Variants in GALNTL6 observed in about 807,000 individuals in gnomAD.
GALNTL6 encodes polypeptide N-acetylgalactosaminyltransferase-like 6.
Under a neutral mutation model 73.7 loss-of-function variants are expected in GALNTL6, and 46 were observed. That is an observed-to-expected ratio of 0.62 (90% CI 0.49 to 0.80). The LOEUF is 0.80. Ranked by LOEUF, GALNTL6 falls within the 30% of genes least tolerant of loss-of-function variation. The probability of loss-of-function intolerance (pLI) is 0.00; values close to 1 mark genes in which losing one functional copy is unlikely to be tolerated. For synonymous variants in GALNTL6, 259 were observed against 263.7 expected, an observed-to-expected ratio of 0.98 and a Z score of 0.17; for missense variants, 604 against 755.0, an observed-to-expected ratio of 0.80 and a Z score of 2.34.
chr4:172,867,866 A>G (rs751342309), intron 7 of GALNTL6, among the ~76,000 whole-genome samples: 8 of 152,246 alleles, frequency 5.3e-5, no homozygotes, highest in Non-Finnish European at 1.0e-4. Flanking sequence ...GAACCATCCA[A>G]TTGGAGTGGC....
Position 171,958,895 on chromosome 4 carries a change from T to A in GALNTL6, c.138+144177T>A, listed in dbSNP as rs1739134011. 2.6e-5 allele frequency among the ~76,000 whole-genome samples: 4 copies of A among 152,140 alleles called. No homozygotes were observed. The South Asian group carries it at 8.3e-4, about 32-fold the overall frequency. On this transcript the variant is annotated intron_variant, in intron 2 of 12. Transcript: ENST00000506823. The stretch of plus-strand genomic sequence containing the variant: ...TTAACATTTTAATAAATGTACACCA[T>A]GCTTGTTAAATGAAATGTCAAAAAG...
chr4:172,453,232 A>C (rs1043615414), intron 5 of GALNTL6, among the ~76,000 whole-genome samples: 1 of 152,122 alleles, frequency 6.6e-6, no homozygotes, highest in Non-Finnish European at 1.5e-5. Context: ...TGCAATGTGA[A>C]GCCATTAGCA....
chr4:171,851,168 T>C (rs1735513631), intron 2 of GALNTL6, among the ~76,000 whole-genome samples: 3 of 152,172 alleles, frequency 2.0e-5, no homozygotes, highest in Admixed American at 2.0e-4. Flanking sequence ...CTCAAAGTAA[T>C]AAGTATTTTA....
At chr4:173,022,449 C>A (rs1753056486) in intron 12 of GALNTL6, among the ~76,000 whole-genome samples, 1 of 152,202 alleles carries the variant, frequency 6.6e-6, no homozygotes, top group African/African-American at 2.4e-5. Context: ...AAAGGAGGAA[C>A]CACATATCCA....
intron 12 of GALNTL6, among the ~76,000 whole-genome samples, chr4:173,037,285 A>C (rs993783860): frequency 6.6e-6 from 1 of 152,186 alleles, no homozygotes; most frequent in Non-Finnish European, 1.5e-5. Context: ...TAAAATGCTC[A>C]TTCAATTTTA....
chr4:172,529,850 T>G (rs555521463), intron 5 of GALNTL6, among the ~76,000 whole-genome samples: 53 of 38,908 alleles, frequency 1.4e-3, no homozygotes, highest in African/African-American at 3.5e-3. Context: ...CACATCTGGC[T>G]AATTTATTTT....
chr4:172,076,621 T>G (rs1359382284), intron 2 of GALNTL6, among the ~76,000 whole-genome samples: 2 of 152,200 alleles, frequency 1.3e-5, no homozygotes, highest in African/African-American at 2.4e-5. Context: ...TAGCATGCTT[T>G]TTATAAACCA....
At chr4:172,444,381 A>G (rs116010398) in intron 5 of GALNTL6, among the ~76,000 whole-genome samples, 1,790 of 152,250 alleles carry the variant, frequency 0.012, 38 homozygotes, top group African/African-American at 0.041. Flanking sequence ...ACTCTTTGCT[A>G]TCAATAATTA....
At chr4:172,683,807 A>T (rs894411071) in intron 5 of GALNTL6, among the ~76,000 whole-genome samples, 1 of 152,260 alleles carries the variant, frequency 6.6e-6, no homozygotes, top group African/African-American at 2.4e-5. Flanking sequence ...CCAAAATAAT[A>T]TCAATTAACT....
At chr4:172,295,650 T>C (rs1228978893) in intron 3 of GALNTL6, among the ~76,000 whole-genome samples, 1 of 151,126 alleles carries the variant, frequency 6.6e-6, no homozygotes, top group Non-Finnish European at 1.5e-5. Flanking sequence ...TGCCTTGGAT[T>C]TGTAGGTACT....
At chr4:172,138,477 C>CTATATATATATATATATATATA (rs1414149880) in intron 2 of GALNTL6, among the ~76,000 whole-genome samples, 1 of 8,696 alleles carries the variant, frequency 1.1e-4, no homozygotes, top group African/African-American at 3.9e-4. Flanking sequence ...CTTGGACTGC[C>CTATATATATATATATATATATA]TATATATATA....
chr4:172,883,161 T>C (rs894656096), intron 8 of GALNTL6, among the ~76,000 whole-genome samples: 1 of 152,204 alleles, frequency 6.6e-6, no homozygotes, highest in East Asian at 1.9e-4. Context: ...AATGATCAAA[T>C]CAGGGTAACT....
intron 5 of GALNTL6, among the ~76,000 whole-genome samples, chr4:172,766,241 A>G (rs2110845527): frequency 6.6e-6 from 1 of 152,306 alleles, no homozygotes; most frequent in Admixed American, 6.5e-5. Context: ...CAGTGTTGTA[A>G]GGGAATTTTT....
chr4:172,664,919 A>G (rs1417880375), intron 5 of GALNTL6, among the ~76,000 whole-genome samples: 1 of 152,228 alleles, frequency 6.6e-6, no homozygotes, highest in African/African-American at 2.4e-5. Context: ...GATTGTGTAA[A>G]AGGGGAACTA....
intron 5 of GALNTL6, among the ~76,000 whole-genome samples, chr4:172,699,201 A>G (rs1211249130): frequency 6.6e-6 from 1 of 152,100 alleles, no homozygotes; most frequent in African/African-American, 2.4e-5. Flanking sequence ...AAGAGGCCCC[A>G]CTTCCTAATA....
intron 5 of GALNTL6, among the ~76,000 whole-genome samples, chr4:172,744,426 A>G (rs1736976692): frequency 6.6e-6 from 1 of 152,066 alleles, no homozygotes; most frequent in African/African-American, 2.4e-5. Flanking sequence ...TTTCAAGGGA[A>G]ACTGGAACCC....
Position 172,809,237 on chromosome 4 carries a change from A to C in GALNTL6, c.554-124A>C. The stretch of plus-strand genomic sequence containing the variant: ...CTTACTAGTATCTCCCATCTAGATG[A>C]GGAGACAAGAATGTTACCCCAGGAT... On this transcript the variant is annotated intron_variant, in intron 5 of 12. Transcript: ENST00000506823. This position sits in a 1 kb window ranked among gnomAD's most constrained non-coding sequence, Gnocchi z 4.4. 1.4e-6 allele frequency: 1 copy of C among 711,686 alleles called. No homozygotes were observed. Among genetic ancestry groups the C allele is most frequent in the South Asian group, 1.9e-5 (1 of 53,160 alleles). 44.1% of individuals were successfully genotyped at this position (711,686 alleles called of 1,614,324 possible).
intron 5 of GALNTL6, among the ~76,000 whole-genome samples, chr4:172,563,687 T>C (rs1014691234): frequency 4.6e-5 from 7 of 152,214 alleles, no homozygotes; most frequent in African/African-American, 9.6e-5. Context: ...AGGATCACTG[T>C]AACAGTCAGA....
intron 5 of GALNTL6, among the ~76,000 whole-genome samples, chr4:172,753,246 T>C (rs1737537125): frequency 6.6e-6 from 1 of 152,192 alleles, no homozygotes; most frequent in Non-Finnish European, 1.5e-5. Context: ...TGCTCTTCCT[T>C]TGCCTTCTGC....
Sources: allele counts gnomAD v4.1 joint callset (sites outside exome capture counted in the v4.1 genomes callset), GRCh38; gene constraint gnomAD v4.1.1; non-coding constraint Gnocchi (gnomAD v3.1); transcripts MANE v1.5; gene names NCBI Gene and HGNC (gene_info 2026-07-23, HGNC 2026-07-21).